The following DENND4A variants were observed in gnomAD, a reference collection of about 807,000 sequenced individuals.
DENND4A encodes C-myc promoter-binding protein.
Under a neutral mutation model 199.3 loss-of-function variants are expected in DENND4A, and 70 were observed. The ratio of observed to expected loss-of-function variants is 0.35; its 90% confidence interval spans 0.29 to 0.43. DENND4A has a LOEUF of 0.43. Ranked by LOEUF, DENND4A falls within the 20% of genes least tolerant of loss-of-function variation. DENND4A has a pLI of 1.00. For missense variants in DENND4A, 1,723 were observed against 2,255.8 expected, an observed-to-expected ratio of 0.76 and a Z score of 4.78; for synonymous variants, 686 against 766.9, an observed-to-expected ratio of 0.89 and a Z score of 1.74.
At chr15:65,739,214 T>C (rs1469159106) in intron 5 of DENND4A, among the ~76,000 whole-genome samples, 2 of 152,210 alleles carry the variant, frequency 1.3e-5, no homozygotes, top group African/African-American at 4.8e-5. Context: ...GTTTTTGAAA[T>C]TTTCAATATG....
Position 65,706,083 on chromosome 15 carries a change from T to C in DENND4A, c.2087+8A>G. The C allele has an allele frequency of 6.4e-7, 1 of 1,556,902 alleles. No homozygotes were observed. The highest frequency in any genetic ancestry group is 1.2e-5 in the South Asian group (1 of 80,978). ...CTTTCAATCTCAAACATTCTGCCTC[T>C]TGAATACCTGTACTGTAAAGGGGGT... On this transcript the variant is annotated splice_region_variant and intron_variant, in intron 15 of 32. Coordinates refer to ENST00000443035, the MANE Select transcript of DENND4A (RefSeq NM_001320835.1).
intron 4 of DENND4A, among the ~76,000 whole-genome samples, chr15:65,742,984 A>G (rs2140492174): frequency 6.6e-6 from 1 of 152,324 alleles, no homozygotes; most frequent in South Asian, 2.1e-4. Context: ...ATGCACATGA[A>G]GAAGTGTAAT....
At position 65,665,349 on chromosome 15, in the gene DENND4A, T is replaced by G. The variant is rs1315620778; in HGVS notation, c.5355A>C (p.Ala1785=). 1 of 1,612,206 alleles carries G rather than the reference T, an allele frequency of 6.2e-7. No individual in the cohort carries two copies. Among genetic ancestry groups the G allele is most frequent in the Non-Finnish European group, 8.5e-7 (1 of 1,178,520 alleles). ...PGQPLYILWN[A]HTQKYPMVHL... is the part of the protein sequence containing the mutation. ...GCATTCTATGATGGCACTTACTGTG[T>G]GCATTCCAGAGAATGTACAAGGGCT... Residue 1785 remains alanine (A), a synonymous_variant, in exon 30 of 33, where the codon GCA becomes GCC. Coordinates refer to ENST00000443035, the MANE Select transcript of DENND4A (RefSeq NM_001320835.1).
intron 8 of DENND4A, 33 bp downstream of exon 8, chr15:65,732,719 T>C (rs2075997792): frequency 7.4e-7 from 1 of 1,353,600 alleles, no homozygotes; most frequent in Non-Finnish European, 1.0e-6. Context: ...TAACAACTCA[T>C]AGGTCCCCCA....
chr15:65,706,512 T>A lies in DENND4A; in HGVS notation c.1954-288A>T, dbSNP rs1012429442. On this transcript the variant is annotated intron_variant, in intron 14 of 32. Coordinates refer to ENST00000443035, the MANE Select transcript of DENND4A (RefSeq NM_001320835.1). Reference sequence around the variant, plus strand: ...CACACACACATATATATATATATTTTTTTTTGAGACAGTCTTGCTCTATCG... The same window carrying A: ...CACACACACATATATATATATATTTATTTTTGAGACAGTCTTGCTCTATCG... Among the ~76,000 whole-genome samples the A allele has an allele frequency of 5.4e-5, 8 of 148,800 alleles. No homozygotes were observed. In the East Asian group the frequency reaches 6.2e-4, roughly 12 times the overall value.
At chr15:65,682,950 G>A (rs1317681640) in intron 23 of DENND4A, among the ~76,000 whole-genome samples, 1 of 152,148 alleles carries the variant, frequency 6.6e-6, no homozygotes, top group Non-Finnish European at 1.5e-5. Context: ...ACAGTTCATG[G>A]TGTCTCAAAA....
chr15:65,769,047 C>T (rs1268936688), intron 1 of DENND4A, among the ~76,000 whole-genome samples: 1 of 151,720 alleles, frequency 6.6e-6, no homozygotes, highest in Non-Finnish European at 1.5e-5. Context: ...TGTATCCATT[C>T]TATTGTTAAT....
At chr15:65,744,984 A>G (rs2076351920) in intron 4 of DENND4A, among the ~76,000 whole-genome samples, 1 of 152,266 alleles carries the variant, frequency 6.6e-6, no homozygotes, top group Non-Finnish European at 1.5e-5. Context: ...TAAGAAGCCA[A>G]GTGTCTGAAT....
chr15:65,662,024 A>G, intron 32 of DENND4A, 37 bp from the exon 33 acceptor site: 1 of 1,558,684 alleles, frequency 6.4e-7, no homozygotes, highest in South Asian at 1.2e-5. Context: ...GAATAAAGAA[A>G]TTTAGGTCTG....
rs777252181 is a variant in DENND4A at position 65,661,972 on chromosome 15, T to C, written c.5603A>G (p.Glu1868Gly). ...GAGACGATCGTATGCCATCTTGTACTCTTTATCAAAAGCATCTGCAGAAAT... is the reference window on the plus strand; with the variant it reads ...GAGACGATCGTATGCCATCTTGTACCCTTTATCAAAAGCATCTGCAGAAAT... ...ENIDIDAFDKEYKMAYDRLTP... is the reference protein window; with the variant it reads ...ENIDIDAFDKGYKMAYDRLTP... Residue 1868 changes from glutamate to glycine, a missense_variant, in exon 33 of 33, where the codon GAG becomes GGG. By Grantham distance (98) the Glu-to-Gly change is moderately conservative. Around this residue, in one of 6 missense-constraint regions of DENND4A, gnomAD observed 164 missense variants for 280.1 expected, o/e 0.59. Transcript: ENST00000443035. The C allele has an allele frequency of 2.5e-6, 4 of 1,608,902 alleles. No individual in the cohort carries two copies. In the Admixed American group the frequency reaches 6.8e-5, roughly 27 times the overall value.
intron 6 of DENND4A, 31 bp downstream of exon 6, chr15:65,738,675 T>G (rs1465933070): frequency 1.9e-6 from 3 of 1,567,898 alleles, no homozygotes; most frequent in Non-Finnish European, 2.6e-6. Context: ...TACAAGAAAT[T>G]TGTAGATACA....
At chr15:65,774,725 T>C (rs1032539399) in intron 1 of DENND4A, among the ~76,000 whole-genome samples, 4 of 151,970 alleles carry the variant, frequency 2.6e-5, no homozygotes, top group African/African-American at 7.2e-5. Context: ...ATATATATGC[T>C]ATTTTCTCTA....
At chr15:65,763,403 A>G (rs898289273) in intron 1 of DENND4A, among the ~76,000 whole-genome samples, 5 of 152,136 alleles carry the variant, frequency 3.3e-5, no homozygotes, top group African/African-American at 1.2e-4. Context: ...AGAATTTAAT[A>G]AACACCAGGT....
At chr15:65,781,489 T>A (rs966316399) in intron 1 of DENND4A, among the ~76,000 whole-genome samples, 1 of 152,074 alleles carries the variant, frequency 6.6e-6, no homozygotes, top group Admixed American at 6.6e-5. Flanking sequence ...AAGTGACTGA[T>A]TCAAAAAATA....
chr15:65,720,938 T>C (rs1000662198), intron 12 of DENND4A, among the ~76,000 whole-genome samples: 1 of 126,678 alleles, frequency 7.9e-6, no homozygotes. Flanking sequence ...GAATGGGCTG[T>C]TTCATTGATT....
chr15:65,773,356 A>G (rs1832840792), intron 1 of DENND4A, among the ~76,000 whole-genome samples: 1 of 152,240 alleles, frequency 6.6e-6, no homozygotes, highest in African/African-American at 2.4e-5. Flanking sequence ...AAGACAAATG[A>G]GACATGACCC....
intron 9 of DENND4A, chr15:65,731,404 C>T (rs1299075524): frequency 1.9e-6 from 1 of 537,460 alleles, no homozygotes; most frequent in South Asian, 1.5e-5. Flanking sequence ...CACACACACA[C>T]TTACACAATA....
chr15:65,721,353 T>C (rs137949256), intron 12 of DENND4A, among the ~76,000 whole-genome samples: 253 of 152,024 alleles, frequency 1.7e-3, no homozygotes, highest in African/African-American at 5.9e-3. Flanking sequence ...ATACTGTTTT[T>C]ATCCATGTCT....
rs2075836183 is a variant in DENND4A at position 65,661,217 on chromosome 15, ATTTTAAAATTCATTCT to A, written c.*618_*633del. 1 of 152,200 alleles carries A rather than the reference ATTTTAAAATTCATTCT, an allele frequency of 6.6e-6. No homozygotes were observed. The highest frequency in any genetic ancestry group is 2.4e-5 in the African/African-American group (1 of 41,446). 9.4% of individuals were successfully genotyped at this position (152,200 alleles called of 1,614,324 possible). A position where few individuals can be genotyped will look rare whatever the true frequency, so the allele number is the denominator to read the frequency against. Reference sequence around the variant, plus strand: ...GACAACACTTGACACTAGCACTGACATTTTAAAATTCATTCTCCCAAGTAATAAAAAATATATATAT... The same window carrying A: ...GACAACACTTGACACTAGCACTGACACCCAAGTAATAAAAAATATATATAT... On this transcript the variant is annotated 3_prime_UTR_variant, in exon 33 of 33. Transcript: ENST00000443035.
Sources: gnomAD v4.1 joint callset for allele counts (sites outside exome capture counted in the v4.1 genomes callset) on GRCh38, gnomAD v4.1.1 for gene constraint, gnomAD v4.1.1 regional missense constraint, MANE v1.5 for transcripts, NCBI Gene and HGNC (gene_info 2026-07-23, HGNC 2026-07-21) for gene names.